LMCD1: variants seen among roughly 807,000 people sequenced by gnomAD.
LMCD1 encodes the protein LIM and cysteine-rich domains protein 1.
A neutral mutation model predicts 42.7 loss-of-function variants in LMCD1; 32 were observed. The ratio of observed to expected loss-of-function variants is 0.75; its 90% CI spans 0.57 to 1.01. The LOEUF (loss-of-function observed/expected upper bound fraction) is 1.01. Among genes scored for constraint, LMCD1 ranks in the 50% least tolerant of loss-of-function variants. The pLI, the probability that LMCD1 is intolerant of heterozygous loss-of-function variation, is 0.00. For missense variants in LMCD1, 458 were observed against 483.1 expected (o/e 0.95, Z 0.49); for synonymous variants, 178 against 184.9 (o/e 0.96, Z 0.30).
chr3:8,565,517 C>T lies in LMCD1; in HGVS notation c.809C>T (p.Pro270Leu), dbSNP rs1574977796. The part of the protein sequence containing the change: ...DRAGYNKQWH[P>L]TCFVCAKCSE... ...GCAGGCTACAACAAGCAGTGGCACC[C>T]CACCTGCTTTGTGTGTGCCAAGTGC... is the stretch of plus-strand genomic sequence containing the variant. The change falls in exon 5 of 6, where the codon CCC becomes CTC. Residue 270 changes from proline to leucine, a missense_variant. Transcript: ENST00000157600. 3 of 1,614,076 alleles carry T rather than the reference C, an allele frequency of 1.9e-6. No individual in the cohort carries two copies. Among genetic ancestry groups the T allele is most frequent in the South Asian group, 2.2e-5 (2 of 91,080 alleles).
intron 1 of LMCD1, among the ~76,000 whole-genome samples, chr3:8,526,436 G>T (rs536992873): frequency 1.3e-5 from 2 of 152,154 alleles, no homozygotes; most frequent in Non-Finnish European, 2.9e-5. Context: ...AGGCTTTTCT[G>T]GTTTTCATAC....
intron 4 of LMCD1, among the ~76,000 whole-genome samples, chr3:8,552,007 C>G (rs1408822708): frequency 1.3e-5 from 2 of 152,166 alleles, no homozygotes; most frequent in Non-Finnish European, 2.9e-5. Context: ...CAAAACCGAA[C>G]AGAGATTAAC....
intron 3 of LMCD1, among the ~76,000 whole-genome samples, chr3:8,547,796 G>A (rs1158665236): frequency 6.6e-6 from 1 of 152,018 alleles, no homozygotes; most frequent in Non-Finnish European, 1.5e-5. Context: ...TGAGGCAGGA[G>A]AATGGCGTGA....
At position 8,572,957 on chromosome 3, in the gene LMCD1, A is replaced by T. The variant is rs1695242177; in HGVS notation, c.*5359A>T. ...CTTAAGGAGACAAGCGAACCAAGCC[A>T]ATAAGCTTTCCATGATGCTGCTTAG... On this transcript the variant is annotated 3_prime_UTR_variant, in exon 6 of 6. Coordinates refer to ENST00000157600, the MANE Select transcript of LMCD1 (RefSeq NM_014583.4). 1 of 152,242 alleles carries T rather than the reference A, an allele frequency of 6.6e-6. No homozygotes were observed. The highest frequency in any genetic ancestry group is 2.4e-5 in the African/African-American group (1 of 41,460). The allele number at this position is 152,242 out of a possible 1,614,324, so 9.4% of individuals were successfully genotyped here.
intron 1 of LMCD1, among the ~76,000 whole-genome samples, chr3:8,504,483 G>A (rs1202495953): frequency 6.6e-6 from 1 of 152,212 alleles, no homozygotes; most frequent in Non-Finnish European, 1.5e-5. Flanking sequence ...CCCTACCCCC[G>A]AGGGGGCTGG....
chr3:8,550,234 G>A lies in LMCD1; in HGVS notation c.723+1331G>A, dbSNP rs576684162. 227 of 1,087,706 alleles carry A rather than the reference G, an allele frequency of 2.1e-4. No homozygotes were observed. In the South Asian group the frequency reaches 2.3e-3, roughly 11 times the overall value. The allele number at this position is 1,087,706 out of a possible 1,614,324, so 67.4% of individuals were successfully genotyped here. A position where few individuals can be genotyped will look rare whatever the true frequency, so the allele number is the denominator to read the frequency against. On this transcript the variant is annotated intron_variant, in intron 4 of 5. Coordinates refer to ENST00000157600, the MANE Select transcript of LMCD1 (RefSeq NM_014583.4). The stretch of plus-strand genomic sequence containing the variant: ...ACCACGTGGGTCTAGCGTGTACTGC[G>A]TTTCTGGTCCCCAGCCCCTGTTTTA...
At chr3:8,552,303 GCTTATT>G (rs776565773) in intron 4 of LMCD1, among the ~76,000 whole-genome samples, 3 of 152,296 alleles carry the variant, frequency 2.0e-5, no homozygotes, top group Non-Finnish European at 4.4e-5. Flanking sequence ...ATTTCCCAAA[GCTTATT>G]CCTGGGAGAG....
intron 4 of LMCD1, among the ~76,000 whole-genome samples, chr3:8,560,908 T>C (rs895007760): frequency 2.0e-5 from 3 of 152,150 alleles, no homozygotes; most frequent in African/African-American, 7.2e-5. Flanking sequence ...TCAAGATATA[T>C]CTAGTTGACC....
intron 3 of LMCD1, among the ~76,000 whole-genome samples, chr3:8,543,383 GATAGATAGATAGAT>G: frequency 1.1e-5 from 1 of 88,782 alleles, no homozygotes; most frequent in African/African-American, 4.1e-5. Context: ...ACTGCTGATA[GATAGATAGATAGAT>G]GATAGATAGA....
At position 8,537,164 on chromosome 3, in the gene LMCD1, TCCC is replaced by T. The variant is rs754921977; in HGVS notation, c.132-19_132-17del. The T allele has an allele frequency of 6.2e-7, 1 of 1,610,752 alleles. No individual in the cohort carries two copies. Among genetic ancestry groups the T allele is most frequent in the African/African-American group, 1.3e-5 (1 of 74,862 alleles). ...TTTTCCTGGAGGTTAATCTCACTGG[TCCC>T]CATCCACCCACCCCCAGGAAAATAT... On this transcript the variant is annotated intron_variant, in intron 2 of 5. Transcript: ENST00000157600.
chr3:8,551,196 G>A (rs1694833077), intron 4 of LMCD1: 3 of 985,238 alleles, frequency 3.0e-6, no homozygotes, highest in Non-Finnish European at 3.6e-6. Context: ...GTCACCGTCT[G>A]TAGATGCTGA....
chr3:8,548,359 A>G (rs1280027298), intron 3 of LMCD1, among the ~76,000 whole-genome samples: 1 of 152,208 alleles, frequency 6.6e-6, no homozygotes, highest in Non-Finnish European at 1.5e-5. Flanking sequence ...TTTATTTGTC[A>G]CAATGGACAG....
intron 1 of LMCD1, among the ~76,000 whole-genome samples, chr3:8,526,046 C>G (rs1310070250): frequency 6.6e-6 from 1 of 152,252 alleles, no homozygotes; most frequent in African/African-American, 2.4e-5. Context: ...TCAGGCTTGC[C>G]CAGACTTGCT....
intron 3 of LMCD1, among the ~76,000 whole-genome samples, chr3:8,538,348 G>A (rs989074772): frequency 6.6e-6 from 1 of 152,198 alleles, no homozygotes; most frequent in Non-Finnish European, 1.5e-5. Flanking sequence ...TACATGTGGA[G>A]TAACAAGAGG....
At position 8,531,576 on chromosome 3, in the gene LMCD1, G is replaced by A. The variant is rs551835228; in HGVS notation, c.43-1161G>A. Among the ~76,000 whole-genome samples, 5 of 152,196 alleles carry A rather than the reference G, an allele frequency of 3.3e-5. No homozygotes were observed. In the South Asian group the frequency reaches 1.0e-3, roughly 32 times the overall value. On this transcript the variant is annotated intron_variant, in intron 1 of 5. Transcript: ENST00000157600. The stretch of plus-strand genomic sequence containing the variant: ...CAGCCAATAAGTTACTGAAAAGCTC[G>A]ATTTGGAATCCAAGTCTCTCAGACT...
At chr3:8,516,085 AG>A (rs1559345744) in intron 1 of LMCD1, among the ~76,000 whole-genome samples, 1 of 152,194 alleles carries the variant, frequency 6.6e-6, no homozygotes, top group Non-Finnish European at 1.5e-5. Flanking sequence ...GATGGGCTTT[AG>A]GATGGTGGAC....
intron 4 of LMCD1, chr3:8,549,875 A>G: frequency 1.4e-6 from 1 of 738,184 alleles, no homozygotes. Flanking sequence ...TCTTCTTAGA[A>G]GCCAGTCCCA....
At position 8,519,874 on chromosome 3, in the gene LMCD1, T is replaced by C. The variant is rs188882701; in HGVS notation, c.43-12863T>C. 7.2e-4 allele frequency among the ~76,000 whole-genome samples: 109 copies of C among 152,190 alleles called. 1 individual carries two copies. The highest frequency in any genetic ancestry group is 4.1e-4 in the South Asian group (2 of 4,822). ...TATTTTACCATCAAGACTCCAATGT[T>C]GGTTGAAGGAAATCCTTTTCCATGT... On this transcript the variant is annotated intron_variant, in intron 1 of 5. Coordinates refer to ENST00000157600, the MANE Select transcript of LMCD1 (RefSeq NM_014583.4).
At chr3:8,550,910 C>T in intron 4 of LMCD1, 1 of 985,384 alleles carries the variant, frequency 1.0e-6, no homozygotes, top group South Asian at 4.7e-5. Context: ...CTGAGCCTCG[C>T]ATATTTGTTC....
Sources: allele counts gnomAD v4.1 joint callset (sites outside exome capture counted in the v4.1 genomes callset), GRCh38; gene constraint gnomAD v4.1.1; transcripts MANE v1.5; gene names NCBI Gene and HGNC (gene_info 2026-07-23, HGNC 2026-07-21).